Variants in ARPP21 observed in about 807,000 individuals in gnomAD.
ARPP21 encodes the protein cAMP regulated phosphoprotein 21.
ARPP21 carries 69 observed loss-of-function variants against 113.2 expected under a neutral mutation model. The observed-to-expected ratio is 0.61, with a 90% CI of 0.50 to 0.74. The LOEUF (loss-of-function observed/expected upper bound fraction) is 0.74, where lower values mean the gene tolerates loss of function less well. Ranked by LOEUF, ARPP21 falls within the 30% of genes least tolerant of loss-of-function variation. The pLI is 0.00. For synonymous variants in ARPP21, 368 were observed against 375.5 expected (o/e 0.98, Z 0.23); for missense variants, 1,070 against 1,037.4 (o/e 1.03, Z -0.43).
At chr3:35,792,564 T>A in intron 20 of ARPP21, 34 bp downstream of exon 20, 1 of 1,612,354 alleles carries the variant, frequency 6.2e-7, no homozygotes, top group East Asian at 2.2e-5. Context: ...TTGTGGGTTT[T>A]AAAGTAGAAT....
intron 18 of ARPP21, 145 bp downstream of exon 18, chr3:35,739,722 AT>A: frequency 8.6e-7 from 1 of 1,165,716 alleles, no homozygotes; most frequent in Non-Finnish European, 1.2e-6. Context: ...GAAGTAGTAT[AT>A]TTTTTCATGC....
intron 19 of ARPP21, among the ~76,000 whole-genome samples, chr3:35,786,815 C>T (rs966540072): frequency 6.6e-6 from 1 of 152,098 alleles, no homozygotes; most frequent in African/African-American, 2.4e-5. Flanking sequence ...AGGCTGTCTT[C>T]TGCTTTACGT....
chr3:35,687,733 C>T lies in ARPP21; in HGVS notation c.262-6C>T. On this transcript the variant is annotated splice_region_variant and splice_polypyrimidine_tract_variant and intron_variant, in intron 5 of 20. Transcript: ENST00000684406. ...GCCCTAAATTATTATATTTTTTCCCCAACAGGAATCAATTCATTTACAGCT... is the reference window on the plus strand; with the variant it reads ...GCCCTAAATTATTATATTTTTTCCCTAACAGGAATCAATTCATTTACAGCT... 1 of 1,595,840 alleles carries T rather than the reference C, an allele frequency of 6.3e-7. No individual in the cohort carries two copies. Among genetic ancestry groups the T allele is most frequent in the Non-Finnish European group, 8.5e-7 (1 of 1,173,292 alleles).
intron 7 of ARPP21, 72 bp from the exon 8 acceptor site, chr3:35,690,009 T>C (rs918285012): frequency 4.0e-6 from 3 of 754,350 alleles, no homozygotes; most frequent in Non-Finnish European, 7.3e-6. Context: ...TTTCCATACA[T>C]TTAATTAATT....
chr3:35,662,336 G>C (rs1001781870), intron 1 of ARPP21, among the ~76,000 whole-genome samples: 1 of 152,180 alleles, frequency 6.6e-6, no homozygotes, highest in African/African-American at 2.4e-5. Flanking sequence ...AAAGCAAAAT[G>C]GTGATTGTTA....
intron 11 of ARPP21, 150 bp from the exon 12 acceptor site, chr3:35,715,289 C>A (rs905930991): frequency 4.6e-6 from 3 of 647,820 alleles, no homozygotes; most frequent in East Asian, 5.4e-5. Context: ...CCTAACCAAC[C>A]TTTTTCCTTT....
chr3:35,742,060 C>A (rs1013896777), intron 18 of ARPP21, among the ~76,000 whole-genome samples: 1 of 152,104 alleles, frequency 6.6e-6, no homozygotes, highest in Non-Finnish European at 1.5e-5. Flanking sequence ...TTTTTCCATG[C>A]AGCTGTACTT....
At chr3:35,675,759 A>T (rs189649168) in intron 1 of ARPP21, among the ~76,000 whole-genome samples, 1 of 151,752 alleles carries the variant, frequency 6.6e-6, no homozygotes, top group East Asian at 2.0e-4. Context: ...CATTGGATAG[A>T]TAAATAGCAA....
intron 19 of ARPP21, among the ~76,000 whole-genome samples, chr3:35,782,006 A>AT (rs924158866): frequency 6.6e-6 from 1 of 152,108 alleles, no homozygotes; most frequent in African/African-American, 2.4e-5. Context: ...TGGACCTTGT[A>AT]TTTTTTATGG....
chr3:35,762,946 C>T (rs2095836135), intron 19 of ARPP21, among the ~76,000 whole-genome samples: 1 of 152,044 alleles, frequency 6.6e-6, no homozygotes, highest in African/African-American at 2.4e-5. Flanking sequence ...TTTCATTAAA[C>T]ATTACTGATT....
chr3:35,646,211 A>C (rs892321522), intron 1 of ARPP21, among the ~76,000 whole-genome samples: 7 of 152,112 alleles, frequency 4.6e-5, no homozygotes, highest in Non-Finnish European at 8.8e-5. Context: ...TTGCCCATAA[A>C]TTCAATGGAA....
At chr3:35,776,102 T>TTA (rs975563874) in intron 19 of ARPP21, among the ~76,000 whole-genome samples, 2 of 152,172 alleles carry the variant, frequency 1.3e-5, no homozygotes, top group African/African-American at 4.8e-5. Context: ...AGAAAATAAA[T>TTA]AAAACACCAT....
At chr3:35,751,617 T>C (rs2095407934) in intron 19 of ARPP21, among the ~76,000 whole-genome samples, 1 of 152,126 alleles carries the variant, frequency 6.6e-6, no homozygotes, top group African/African-American at 2.4e-5. Context: ...GACTATCCCT[T>C]ACAGTCTGCT....
intron 9 of ARPP21, among the ~76,000 whole-genome samples, chr3:35,694,253 G>A (rs2083135415): frequency 6.6e-6 from 1 of 151,412 alleles, no homozygotes; most frequent in Non-Finnish European, 1.5e-5. Flanking sequence ...TTACATATGT[G>A]TGTGTACTGC....
At chr3:35,783,672 A>AT (rs1286581019) in intron 19 of ARPP21, among the ~76,000 whole-genome samples, 1 of 152,110 alleles carries the variant, frequency 6.6e-6, no homozygotes, top group Non-Finnish European at 1.5e-5. Context: ...TGATCATTTC[A>AT]TTGCTCTGCT....
At chr3:35,685,487 G>A (rs1438470283) in intron 5 of ARPP21, 4 of 985,140 alleles carry the variant, frequency 4.1e-6, no homozygotes, top group Non-Finnish European at 4.8e-6. Flanking sequence ...TATATGCAAT[G>A]CCTTCATTAG....
At chr3:35,760,201 T>G (rs1195649813) in intron 19 of ARPP21, among the ~76,000 whole-genome samples, 2 of 152,090 alleles carry the variant, frequency 1.3e-5, no homozygotes, top group African/African-American at 2.4e-5. Context: ...GTTGTTGGTT[T>G]GTAGCGACAG....
chr3:35,659,278 A>C lies in ARPP21; in HGVS notation c.-213+18880A>C, dbSNP rs116783576. On this transcript the variant is annotated intron_variant, in intron 1 of 20. Coordinates refer to ENST00000684406, the MANE Select transcript of ARPP21 (RefSeq NM_001385562.1). Reference sequence around the variant, plus strand: ...GAGTCCACAAACACTTGTGTTCTTCATGTAGACACAGCACACAAGCTCAGA... The same window carrying C: ...GAGTCCACAAACACTTGTGTTCTTCCTGTAGACACAGCACACAAGCTCAGA... Among the ~76,000 whole-genome samples, 1,199 of 152,312 alleles carry C rather than the reference A, an allele frequency of 7.9e-3. 8 individuals are homozygous for C. Among genetic ancestry groups the C allele is most frequent in the Non-Finnish European group, 0.011 (779 of 68,020 alleles).
At chr3:35,655,660 A>T (rs1387327384) in intron 1 of ARPP21, among the ~76,000 whole-genome samples, 1 of 152,072 alleles carries the variant, frequency 6.6e-6, no homozygotes, top group Non-Finnish European at 1.5e-5. Context: ...ATTTTAACAC[A>T]AATGAGCCAT....
Sources: allele counts gnomAD v4.1 joint callset (sites outside exome capture counted in the v4.1 genomes callset), GRCh38; gene constraint gnomAD v4.1.1; transcripts MANE v1.5; gene names NCBI Gene and HGNC (gene_info 2026-07-23, HGNC 2026-07-21).